The following OPRPN variants were observed in gnomAD, a reference collection of about 807,000 sequenced individuals.
OPRPN encodes opiorphin prepropeptide.
A neutral mutation model predicts 2.2 loss-of-function variants in OPRPN; 1 was observed. That is an observed-to-expected ratio of 0.45 (90% confidence interval 0.16 to 2.15). The LOEUF is 2.15. Ranked by LOEUF, OPRPN falls within the 30% of genes most tolerant of loss-of-function variation. OPRPN has a pLI of 0.28. For synonymous variants in OPRPN, 126 were observed against 111.5 expected, an observed-to-expected ratio of 1.13 and a Z score of -0.82; for missense variants, 306 against 297.3, an observed-to-expected ratio of 1.03 and a Z score of -0.21.
At chr4:70,402,296 T>C (rs1214807384) in intron 2 of OPRPN, among the ~76,000 whole-genome samples, 1 of 152,020 alleles carries the variant, frequency 6.6e-6, no homozygotes, top group Admixed American at 6.6e-5. Context: ...GGTCAGCAAA[T>C]AACATTTTGA....
At position 70,409,748 on chromosome 4, in the gene OPRPN, T is replaced by G; in HGVS notation, c.420T>G (p.Pro140=). The change falls in exon 3 of 3, where the codon CCT becomes CCG. Residue 140 remains proline, a synonymous_variant. Coordinates refer to ENST00000399575, the MANE Select transcript of OPRPN (RefSeq NM_021225.5). ...CTATTTACCTTCCTATCTCTAACCC[T>G]GAGCCCCAAATAAACATCACCACCG... ...FLAIYLPISN[P]EPQINITTAD... is the part of the protein sequence containing the mutation. The G allele has an allele frequency of 1.2e-6, 2 of 1,613,580 alleles. No homozygotes were observed. The highest frequency in any genetic ancestry group is 1.7e-6 in the Non-Finnish European group (2 of 1,179,764).
intron 2 of OPRPN, among the ~76,000 whole-genome samples, chr4:70,407,911 C>T (rs1489314631): frequency 2.6e-5 from 4 of 152,008 alleles, no homozygotes; most frequent in Admixed American, 6.6e-5. Context: ...CGTATCATGG[C>T]CTAAATTATG....
chr4:70,399,221 C>T (rs950588747), intron 1 of OPRPN, 50 bp from the exon 2 acceptor site: 2 of 1,373,214 alleles, frequency 1.5e-6, no homozygotes, highest in Non-Finnish European at 2.0e-6. Context: ...TTCTGAAAAA[C>T]ACTGTTGATC....
In OPRPN at chr4:70,409,834, C is replaced by A; in HGVS notation, c.506C>A (p.Thr169Lys). The A allele has an allele frequency of 6.2e-7, 1 of 1,612,622 alleles. No individual in the cohort carries two copies. The highest frequency in any genetic ancestry group is 8.5e-7 in the Non-Finnish European group (1 of 1,179,116). Reference protein sequence around the residue: ...TTATATTSTSTKPTMTISSST... With the variant: ...TTATATTSTSKKPTMTISSST... The stretch of plus-strand genomic sequence containing the variant: ...GCAACAGCAACCACCAGCACTTCCA[C>A]AAAACCCACAATGACGATCAGCTCC... The change falls in exon 3 of 3, where the codon ACA becomes AAA. Residue 169 changes from threonine to lysine, a missense_variant. Physicochemically the swap from Thr to Lys is moderately conservative, Grantham distance 78 (BLOSUM62 -1). Coordinates refer to ENST00000399575, the MANE Select transcript of OPRPN (RefSeq NM_021225.5).
In OPRPN at chr4:70,409,426, A is replaced by G. The variant is rs758261115; in HGVS notation, c.98A>G (p.Gln33Arg). The G allele has an allele frequency of 1.9e-6, 3 of 1,613,756 alleles. No homozygotes were observed. Among genetic ancestry groups the G allele is most frequent in the African/African-American group, 2.7e-5 (2 of 74,908 alleles). Reference sequence around the variant, plus strand: ...TCCAGAAGACCATATCTACCTGGCCAGCTGCCACCACCTCCACTCTACAGG... The same window carrying G: ...TCCAGAAGACCATATCTACCTGGCCGGCTGCCACCACCTCCACTCTACAGG... The part of the protein sequence containing the change: ...RFSRRPYLPG[Q>R]LPPPPLYRPR... The change falls in exon 3 of 3, where the codon CAG becomes CGG. Residue 33 changes from glutamine to arginine, a missense_variant. Physicochemically the swap from Gln to Arg is conservative, Grantham distance 43. Transcript: ENST00000399575.
chr4:70,398,279 A>C (rs193068582), intron 1 of OPRPN, among the ~76,000 whole-genome samples: 11 of 152,034 alleles, frequency 7.2e-5, no homozygotes, highest in Admixed American at 5.9e-4. Flanking sequence ...TTCACAATCT[A>C]TTGACTTTTT....
rs181395464 is a variant in OPRPN, at chr4:70,409,322, A to G, written c.52-58A>G. 465 of 1,374,594 alleles carry G rather than the reference A, an allele frequency of 3.4e-4. 2 individuals carry two copies. In the African/African-American group the frequency reaches 6.1e-3, roughly 18 times the overall value. The allele number at this position is 1,374,594 out of a possible 1,614,324, so 85.1% of individuals were successfully genotyped here. On this transcript the variant is annotated intron_variant, in intron 2 of 2. Transcript: ENST00000399575. ...AATACATAGTATATCCTAATGTTTG[A>G]ACTTTAAATGATCAAATTTAGAAAT...
chr4:70,409,327 T>A, intron 2 of OPRPN, 53 bp from the exon 3 acceptor site: 1 of 1,430,062 alleles, frequency 7.0e-7, no homozygotes. Context: ...GTTTGAACTT[T>A]AAATGATCAA....
chr4:70,406,927 C>T (rs924147390), intron 2 of OPRPN, among the ~76,000 whole-genome samples: 1 of 152,074 alleles, frequency 6.6e-6, no homozygotes, highest in African/African-American at 2.4e-5. Flanking sequence ...TTTCTTCCTT[C>T]CTTAAATAAG....
chr4:70,402,161 T>A (rs527527305), intron 2 of OPRPN, among the ~76,000 whole-genome samples: 28 of 152,050 alleles, frequency 1.8e-4, no homozygotes, highest in Admixed American at 5.9e-4. Context: ...CTCTAGAAAC[T>A]CTATCAGGAA....
At chr4:70,407,042 T>C (rs980239865) in intron 2 of OPRPN, among the ~76,000 whole-genome samples, 3 of 152,180 alleles carry the variant, frequency 2.0e-5, no homozygotes, top group Non-Finnish European at 2.9e-5. Flanking sequence ...TTCTCTGTAC[T>C]GTTCCCTCCC....
At position 70,409,580 on chromosome 4, in the gene OPRPN, A is replaced by G; in HGVS notation, c.252A>G (p.Leu84=). 1.2e-6 allele frequency: 2 copies of G among 1,613,698 alleles called. No individual in the cohort carries two copies. The highest frequency in any genetic ancestry group is 1.3e-5 in the African/African-American group (1 of 74,972). Residue 84 remains leucine (L), a synonymous_variant, in exon 3 of 3, where the codon CTA becomes CTG. Transcript: ENST00000399575. ...CTCGATTTAGCCAAGCAGTCATTCT[A>G]TCTCAACTCTTTCCATTGGAATCTA... ...SFSRFSQAVI[L]SQLFPLESIR...
Position 70,409,249 on chromosome 4 carries a change from C to T in OPRPN, c.52-131C>T, listed in dbSNP as rs1733156897. ...TCTAAGTTATTTTCTCAGTGAAATA[C>T]ATGACTTATGGCTTAGTATATCCTA... On this transcript the variant is annotated intron_variant, in intron 2 of 2. Coordinates refer to ENST00000399575, the MANE Select transcript of OPRPN (RefSeq NM_021225.5). The T allele has an allele frequency of 1.8e-5, 12 of 671,122 alleles. No homozygotes were observed. The South Asian group carries it at 3.1e-4, about 17-fold the overall frequency. 41.6% of individuals were successfully genotyped at this position (671,122 alleles called of 1,614,324 possible).
At chr4:70,407,782 G>A (rs1174107390) in intron 2 of OPRPN, among the ~76,000 whole-genome samples, 1 of 152,086 alleles carries the variant, frequency 6.6e-6, no homozygotes, top group African/African-American at 2.4e-5. Flanking sequence ...AAGACCCTAG[G>A]GACAGAGAAG....
chr4:70,409,280 T>C (rs1301384197), intron 2 of OPRPN, 100 bp from the exon 3 acceptor site: 3 of 891,630 alleles, frequency 3.4e-6, no homozygotes, highest in South Asian at 1.8e-5. Flanking sequence ...TCCTAATGTT[T>C]ACATAGTAGA....
intron 2 of OPRPN, among the ~76,000 whole-genome samples, chr4:70,406,534 G>A (rs991049148): frequency 6.6e-6 from 1 of 152,298 alleles, no homozygotes; most frequent in South Asian, 2.1e-4. Flanking sequence ...ATTATTGGGG[G>A]AGAGGAGTGA....
At chr4:70,402,131 G>T (rs1444618197) in intron 2 of OPRPN, among the ~76,000 whole-genome samples, 1 of 151,996 alleles carries the variant, frequency 6.6e-6, no homozygotes, top group Non-Finnish European at 1.5e-5. Context: ...GACAGACAGT[G>T]GTTCTCCAAA....
chr4:70,399,457 T>C, intron 2 of OPRPN, 121 bp downstream of exon 2: 1 of 752,180 alleles, frequency 1.3e-6, no homozygotes, highest in Middle Eastern at 4.0e-4. Context: ...CTGTTGATAA[T>C]TATGGACTTG....
intron 2 of OPRPN, among the ~76,000 whole-genome samples, chr4:70,406,477 A>G (rs1194601956): frequency 6.6e-6 from 1 of 152,240 alleles, no homozygotes; most frequent in African/African-American, 2.4e-5. Context: ...CTGATTTTAT[A>G]TTGTATAAAG....
Sources: gnomAD v4.1 joint callset for allele counts (sites outside exome capture counted in the v4.1 genomes callset) on GRCh38, gnomAD v4.1.1 for gene constraint, MANE v1.5 for transcripts, NCBI Gene and HGNC (gene_info 2026-07-23, HGNC 2026-07-21) for gene names.